Variants in NALF1 observed in about 807,000 individuals in gnomAD.
NALF1 encodes the protein NALCN channel auxiliary factor 1, also known as family with sequence similarity 155 member A.
In NALF1, 3 loss-of-function variants were observed where a neutral mutation model predicts 48.4. The ratio of observed to expected loss-of-function variants is 0.06; its 90% CI spans 0.03 to 0.16. NALF1 has a LOEUF of 0.16. Ranked by LOEUF, NALF1 falls within the 10% of genes least tolerant of loss-of-function variation. NALF1 has a pLI of 1.00. For synonymous variants in NALF1, 262 were observed against 245.7 expected, an observed-to-expected ratio of 1.07 and a Z score of -0.62; for missense variants, 526 against 571.5, an observed-to-expected ratio of 0.92 and a Z score of 0.81.
At chr13:107,228,529 C>G (rs12874302) in intron 1 of NALF1, among the ~76,000 whole-genome samples, 55,318 of 152,034 alleles carry the variant, frequency 0.36, 10,863 homozygotes, top group East Asian at 0.59. Context: ...ACATGTATCT[C>G]AAACATATGC....
intron 1 of NALF1, among the ~76,000 whole-genome samples, chr13:107,506,955 A>G (rs907809537): frequency 6.6e-6 from 1 of 152,016 alleles, no homozygotes; most frequent in East Asian, 1.9e-4. Context: ...ATTTTTAAAA[A>G]CTATTATATA....
At chr13:107,800,153 G>A (rs1361523338) in intron 1 of NALF1, among the ~76,000 whole-genome samples, 1 of 152,108 alleles carries the variant, frequency 6.6e-6, no homozygotes, top group Non-Finnish European at 1.5e-5. Context: ...AGAAAAAAGA[G>A]AAAGATACAA....
At position 107,628,831 on chromosome 13, in the gene NALF1, C is replaced by T. The variant is rs556092442; in HGVS notation, c.915+236851G>A. On this transcript the variant is annotated intron_variant, in intron 1 of 2. Transcript: ENST00000375915. ...ATGGCATCTAGACATCAGAGTAGTTCTGTGACAAACATATTTAACCAGGAA... is the reference window on the plus strand; with the variant it reads ...ATGGCATCTAGACATCAGAGTAGTTTTGTGACAAACATATTTAACCAGGAA... Among the ~76,000 whole-genome samples, 3 of 152,230 alleles carry T rather than the reference C, an allele frequency of 2.0e-5. No individual in the cohort carries two copies. The East Asian group carries it at 5.8e-4, about 29-fold the overall frequency.
chr13:107,764,641 T>A (rs1877372482), intron 1 of NALF1, among the ~76,000 whole-genome samples: 1 of 152,198 alleles, frequency 6.6e-6, no homozygotes, highest in South Asian at 2.1e-4. Flanking sequence ...TACATCAAGA[T>A]GACCATTCTG....
At chr13:107,747,515 A>T (rs1163448685) in intron 1 of NALF1, among the ~76,000 whole-genome samples, 1 of 152,130 alleles carries the variant, frequency 6.6e-6, no homozygotes, top group Non-Finnish European at 1.5e-5. Context: ...CTCAGTAAAG[A>T]TTTTTACAAC....
At chr13:107,731,836 C>G (rs997567913) in intron 1 of NALF1, among the ~76,000 whole-genome samples, 1 of 152,138 alleles carries the variant, frequency 6.6e-6, no homozygotes, top group Non-Finnish European at 1.5e-5. Flanking sequence ...CATGTCTTTG[C>G]TATTGGATAA....
At chr13:107,344,941 T>C (rs1452717516) in intron 1 of NALF1, among the ~76,000 whole-genome samples, 1 of 152,116 alleles carries the variant, frequency 6.6e-6, no homozygotes, top group Non-Finnish European at 1.5e-5. Context: ...CTAAAGATTC[T>C]ACCAAAAAAA....
chr13:107,632,850 G>GA (rs1282490920), intron 1 of NALF1, among the ~76,000 whole-genome samples: 2 of 141,962 alleles, frequency 1.4e-5, no homozygotes, highest in African/African-American at 2.5e-5. Context: ...TTCTCTAGAG[G>GA]AAAAACAAGC....
In NALF1 at chr13:107,318,388, A is replaced by G. The variant is rs1322873539; in HGVS notation, c.916-107633T>C. On this transcript the variant is annotated intron_variant, in intron 1 of 2. Transcript: ENST00000375915. ...GGCTCTTTAAGTTACTGAGTTATTG[A>G]ATGCTTGCAAATTGCAAAAAACTGT... Among the ~76,000 whole-genome samples, 6 of 152,098 alleles carry G rather than the reference A, an allele frequency of 3.9e-5. No homozygotes were observed. In the East Asian group the frequency reaches 1.2e-3, roughly 29 times the overall value.
At chr13:107,817,586 G>C (rs1487299532) in intron 1 of NALF1, among the ~76,000 whole-genome samples, 2 of 151,822 alleles carry the variant, frequency 1.3e-5, no homozygotes, top group African/African-American at 4.8e-5. Flanking sequence ...TCCTTTTTAG[G>C]GTAAACCATC....
intron 1 of NALF1, among the ~76,000 whole-genome samples, chr13:107,448,604 T>C (rs1884689344): frequency 6.6e-6 from 1 of 152,202 alleles, no homozygotes; most frequent in Non-Finnish European, 1.5e-5. Flanking sequence ...ATTTTCGTCA[T>C]GTATTTTTAT....
At chr13:107,782,907 G>A (rs1157617534) in intron 1 of NALF1, among the ~76,000 whole-genome samples, 9 of 150,846 alleles carry the variant, frequency 6.0e-5, no homozygotes, top group East Asian at 4.1e-4. Context: ...CAGCCGCCCC[G>A]TCCAGGAGGG....
At chr13:107,861,366 C>T (rs79847590) in intron 1 of NALF1, among the ~76,000 whole-genome samples, 13,988 of 152,170 alleles carry the variant, frequency 0.092, 916 homozygotes, top group East Asian at 0.24. Context: ...GTTCTATTTA[C>T]AGATGTGTAC....
intron 1 of NALF1, among the ~76,000 whole-genome samples, chr13:107,824,369 G>GA (rs764338306): frequency 6.6e-6 from 1 of 151,878 alleles, no homozygotes; most frequent in Non-Finnish European, 1.5e-5. Context: ...AAATTAATGA[G>GA]AAAAAAAACT....
intron 1 of NALF1, among the ~76,000 whole-genome samples, chr13:107,285,237 A>G (rs959748666): frequency 2.6e-5 from 4 of 152,250 alleles, no homozygotes; most frequent in Admixed American, 6.5e-5. Context: ...CTAGTCCTGT[A>G]TAATACCTAA....
intron 1 of NALF1, among the ~76,000 whole-genome samples, chr13:107,707,248 C>T (rs539323917): frequency 6.6e-6 from 1 of 152,162 alleles, no homozygotes; most frequent in Non-Finnish European, 1.5e-5. Flanking sequence ...TATTATGTCA[C>T]TAGACATTTC....
chr13:107,840,120 C>A (rs577910722), intron 1 of NALF1, among the ~76,000 whole-genome samples: 3 of 152,184 alleles, frequency 2.0e-5, no homozygotes, highest in African/African-American at 7.2e-5. Context: ...CATTTCTTCA[C>A]GCATTCAATC....
intron 1 of NALF1, among the ~76,000 whole-genome samples, chr13:107,706,720 T>C (rs1875377189): frequency 6.6e-6 from 1 of 152,196 alleles, no homozygotes; most frequent in African/African-American, 2.4e-5. Context: ...TGAATGGATA[T>C]ACACAGACTG....
intron 1 of NALF1, among the ~76,000 whole-genome samples, chr13:107,236,495 G>A (rs1880344320): frequency 6.6e-6 from 1 of 152,082 alleles, no homozygotes; most frequent in Non-Finnish European, 1.5e-5. Flanking sequence ...TCCCAAATCA[G>A]AAGAGTCCCC....
Sources: allele counts gnomAD v4.1 joint callset (sites outside exome capture counted in the v4.1 genomes callset), GRCh38; gene constraint gnomAD v4.1.1; transcripts MANE v1.5; gene names NCBI Gene and HGNC (gene_info 2026-07-23, HGNC 2026-07-21).